The following GRID1 variants were observed in gnomAD, a reference collection of about 807,000 sequenced individuals.
GRID1 encodes the protein glutamate receptor ionotropic, delta-1.
Under a neutral mutation model 98.0 loss-of-function variants are expected in GRID1, and 28 were observed. The observed-to-expected ratio is 0.29, with a 90% CI of 0.21 to 0.39. The LOEUF is 0.39. Among genes scored for constraint, GRID1 ranks in the 10% least tolerant of loss-of-function variants. The pLI is 1.00. For missense variants in GRID1, 1,111 were observed against 1,340.5 expected (o/e 0.83, Z 2.67); for synonymous variants, 553 against 538.5 (o/e 1.03, Z -0.37).
chr10:86,001,226 G>A (rs1479102541), intron 4 of GRID1, among the ~76,000 whole-genome samples: 1 of 152,132 alleles, frequency 6.6e-6, no homozygotes, highest in Admixed American at 6.5e-5. Flanking sequence ...ATAATATAAG[G>A]AAATTTTTTG....
intron 2 of GRID1, among the ~76,000 whole-genome samples, chr10:86,360,449 T>A (rs532893389): frequency 6.6e-6 from 1 of 152,382 alleles, no homozygotes; most frequent in African/African-American, 2.4e-5. Flanking sequence ...CATTGCCCTT[T>A]TTCTTTTTTA....
intron 2 of GRID1, among the ~76,000 whole-genome samples, chr10:86,298,808 G>C (rs1589441415): frequency 6.6e-6 from 1 of 152,320 alleles, no homozygotes; most frequent in Non-Finnish European, 1.5e-5. Context: ...GTTCTATCCA[G>C]TTTGTGTCTG....
chr10:86,134,394 A>G (rs2131968777), intron 4 of GRID1, among the ~76,000 whole-genome samples: 1 of 152,348 alleles, frequency 6.6e-6, no homozygotes, highest in South Asian at 2.1e-4. Flanking sequence ...TGACAGATGA[A>G]TAGATGAACA....
chr10:86,251,293 C>T (rs1212110210), intron 2 of GRID1, among the ~76,000 whole-genome samples: 2 of 151,652 alleles, frequency 1.3e-5, no homozygotes, highest in East Asian at 1.9e-4. Context: ...CACTATTGTC[C>T]TATGACCCTG....
At chr10:85,684,448 T>A (rs1053467408) in intron 12 of GRID1, among the ~76,000 whole-genome samples, 5 of 152,194 alleles carry the variant, frequency 3.3e-5, no homozygotes, top group African/African-American at 1.2e-4. Context: ...GAACTATCTA[T>A]GTAATTTGTT....
chr10:86,149,821 G>C (rs924398100), intron 3 of GRID1, among the ~76,000 whole-genome samples: 1 of 152,098 alleles, frequency 6.6e-6, no homozygotes. Flanking sequence ...AAAATTCCGC[G>C]GTGTTTATCT....
chr10:86,218,193 T>C (rs12573121), intron 2 of GRID1, among the ~76,000 whole-genome samples: 43,270 of 151,988 alleles, frequency 0.28, 6,999 homozygotes, highest in Non-Finnish European at 0.38. Flanking sequence ...TGTGAGTTCA[T>C]GCACGCACCA....
chr10:85,761,971 T>C (rs1038037784), intron 8 of GRID1, among the ~76,000 whole-genome samples: 16 of 152,238 alleles, frequency 1.1e-4, no homozygotes, highest in African/African-American at 3.9e-4. Flanking sequence ...ACTTGAAATG[T>C]AGTTTGCTCC....
intron 5 of GRID1, among the ~76,000 whole-genome samples, chr10:85,915,075 G>A (rs1005813012): frequency 6.6e-6 from 1 of 152,140 alleles, no homozygotes; most frequent in East Asian, 1.9e-4. Flanking sequence ...AGGCCACCAC[G>A]ATCCCTGGTG....
chr10:85,648,876 A>G (rs1395631965), intron 12 of GRID1, among the ~76,000 whole-genome samples: 1 of 152,212 alleles, frequency 6.6e-6, no homozygotes, highest in Non-Finnish European at 1.5e-5. Context: ...GCCATGTGCC[A>G]GAGCAGAGAC....
At position 85,697,070 on chromosome 10, in the gene GRID1, A is replaced by G. The variant is rs143561425; in HGVS notation, c.1997+25933T>C. The stretch of plus-strand genomic sequence containing the variant: ...ACTGGTTATTCTTGGTGAATGTTTC[A>G]TGCACACTAAAAAACTGCATATTCT... On this transcript the variant is annotated intron_variant, in intron 12 of 15. Transcript: ENST00000327946. 6.0e-3 allele frequency among the ~76,000 whole-genome samples: 921 copies of G among 152,246 alleles called. 10 individuals carry two copies. Among genetic ancestry groups the G allele is most frequent in the African/African-American group, 0.021 (886 of 41,570 alleles).
At chr10:86,364,466 T>A (rs1848647321) in intron 1 of GRID1, among the ~76,000 whole-genome samples, 1 of 152,198 alleles carries the variant, frequency 6.6e-6, no homozygotes. Context: ...TGCCTTGACA[T>A]GGTTCCATAA....
intron 2 of GRID1, among the ~76,000 whole-genome samples, chr10:86,238,307 C>T (rs1846572717): frequency 6.6e-6 from 1 of 152,208 alleles, no homozygotes; most frequent in Admixed American, 6.5e-5. Context: ...ACCTGCTGCT[C>T]TGTGCAGCCT....
rs552489929 is a variant in GRID1, at chr10:86,206,843, T to A, written c.236-195A>T. Among the ~76,000 whole-genome samples the A allele has an allele frequency of 1.3e-5, 2 of 152,264 alleles. No individual in the cohort carries two copies. The highest frequency in any genetic ancestry group is 2.1e-4 in the South Asian group (1 of 4,820). On this transcript the variant is annotated intron_variant, in intron 2 of 15. Coordinates refer to ENST00000327946, the MANE Select transcript of GRID1 (RefSeq NM_017551.3). The surrounding 1 kb of genome is among the most constrained non-coding windows in gnomAD (Gnocchi z 4.1). The stretch of plus-strand genomic sequence containing the variant: ...GCCTCACTGACATCCTTGGTGAAAA[T>A]GCCAGCTATACATTCTTGTACCCAT...
intron 4 of GRID1, among the ~76,000 whole-genome samples, chr10:86,035,483 C>A (rs1468962281): frequency 1.3e-5 from 2 of 152,188 alleles, no homozygotes; most frequent in Non-Finnish European, 2.9e-5. Context: ...AGATCCAGCT[C>A]CAGACATGTG....
chr10:86,170,418 A>T (rs1845466968), intron 3 of GRID1, among the ~76,000 whole-genome samples: 1 of 152,222 alleles, frequency 6.6e-6, no homozygotes, highest in Non-Finnish European at 1.5e-5. Context: ...GGCCTACAGG[A>T]GATAATGGCC....
At chr10:86,261,093 C>A (rs1471914592) in intron 2 of GRID1, among the ~76,000 whole-genome samples, 1 of 152,230 alleles carries the variant, frequency 6.6e-6, no homozygotes, top group East Asian at 1.9e-4. Flanking sequence ...GGCTGGGGCC[C>A]CTGTAGCAAC....
chr10:86,249,629 C>T (rs934793036), intron 2 of GRID1, among the ~76,000 whole-genome samples: 1 of 151,800 alleles, frequency 6.6e-6, no homozygotes, highest in African/African-American at 2.4e-5. Flanking sequence ...TCCCCCACAA[C>T]AGGAAGATAG....
At chr10:85,805,028 T>C (rs1356146706) in intron 8 of GRID1, among the ~76,000 whole-genome samples, 4 of 151,528 alleles carry the variant, frequency 2.6e-5, no homozygotes. Flanking sequence ...AAGGAAGAAG[T>C]TGACTGCCCT....
Sources: gnomAD v4.1 joint callset for allele counts (sites outside exome capture counted in the v4.1 genomes callset) on GRCh38, gnomAD v4.1.1 for gene constraint, Gnocchi (gnomAD v3.1) non-coding constraint, MANE v1.5 for transcripts, NCBI Gene and HGNC (gene_info 2026-07-23, HGNC 2026-07-21) for gene names.